SLC25A43: variants seen among roughly 807,000 people sequenced by gnomAD.
SLC25A43 encodes solute carrier family 25 member 43, also known as solute carrier family 25, member 43.
In SLC25A43, 10 loss-of-function variants were observed where a neutral mutation model predicts 22.8. That is an observed-to-expected ratio of 0.44 (90% CI 0.27 to 0.74). The LOEUF is 0.74. SLC25A43 is among the 30% of genes least tolerant of loss of function. The pLI is 0.17. For missense variants in SLC25A43, 233 were observed against 279.1 expected, an observed-to-expected ratio of 0.83 and a Z score of 1.18; for synonymous variants, 106 against 121.6, an observed-to-expected ratio of 0.87 and a Z score of 0.84.
rs749216789 is a variant in SLC25A43 at position 119,405,770 on chromosome X, G to A, written c.276-690G>A. On this transcript the variant is annotated intron_variant, in intron 1 of 4. Transcript: ENST00000217909. The stretch of plus-strand genomic sequence containing the variant: ...GGGCGATAGAGTGGCCACCGCACCC[G>A]GCCCAGAACTGGGCACTTTGGGAGG... Among the ~76,000 whole-genome samples, 3 of 110,250 alleles carry A rather than the reference G, an allele frequency of 2.7e-5. No individual in the cohort carries two copies. The Admixed American group carries it at 2.9e-4, about 11-fold the overall frequency.
At chrX:119,431,216 T>C (rs1569373156) in intron 3 of SLC25A43, among the ~76,000 whole-genome samples, 2 of 111,998 alleles carry the variant, frequency 1.8e-5, no homozygotes, top group African/African-American at 6.5e-5. Flanking sequence ...AATGAGATAG[T>C]ATATAGAAAG....
intron 3 of SLC25A43, among the ~76,000 whole-genome samples, chrX:119,415,908 TGAG>T (rs1418518122): frequency 1.9e-5 from 2 of 103,735 alleles, no homozygotes; most frequent in Non-Finnish European, 3.9e-5. Flanking sequence ...CTTGGGAGAC[TGAG>T]GAGGGAGGAT....
intron 3 of SLC25A43, among the ~76,000 whole-genome samples, chrX:119,419,604 G>T (rs1481427200): frequency 9.0e-6 from 1 of 111,040 alleles, no homozygotes; most frequent in Admixed American, 9.6e-5. Flanking sequence ...CTTCAATCCT[G>T]ACCTCCCTTC....
At chrX:119,451,466 G>A (rs949980571) in intron 3 of SLC25A43, among the ~76,000 whole-genome samples, 35 of 111,816 alleles carry the variant, frequency 3.1e-4, no homozygotes, top group African/African-American at 1.0e-3. Flanking sequence ...GCAGGCCAAG[G>A]AGTATGGTTC....
At chrX:119,435,457 C>CTTTTTTTTTTTTTTT in intron 3 of SLC25A43, among the ~76,000 whole-genome samples, 1 of 54,740 alleles carries the variant, frequency 1.8e-5, no homozygotes, top group Non-Finnish European at 3.2e-5. Flanking sequence ...AGATTTTATT[C>CTTTTTTTTTTTTTTT]TTTTTTTTTT....
chrX:119,405,138 A>G (rs998069606), intron 1 of SLC25A43, among the ~76,000 whole-genome samples: 13 of 112,132 alleles, frequency 1.2e-4, no homozygotes, highest in African/African-American at 4.2e-4. Context: ...CCATGGGTGA[A>G]AACCAATGTA....
chrX:119,451,162 C>T (rs1045787458), intron 3 of SLC25A43, among the ~76,000 whole-genome samples: 3 of 97,891 alleles, frequency 3.1e-5, no homozygotes, highest in Non-Finnish European at 6.1e-5. Context: ...GAGACTCTGT[C>T]GCAAAAAAAA....
chrX:119,408,460 GTTATAC>G (rs1321047942), intron 2 of SLC25A43, among the ~76,000 whole-genome samples: 1 of 110,971 alleles, frequency 9.0e-6, no homozygotes, highest in Non-Finnish European at 1.9e-5. Flanking sequence ...CATCAGGGGT[GTTATAC>G]TGACTTTGCC....
intron 3 of SLC25A43, among the ~76,000 whole-genome samples, chrX:119,420,484 G>A (rs183251065): frequency 9.1e-6 from 1 of 110,103 alleles, no homozygotes; most frequent in Non-Finnish European, 1.9e-5. Flanking sequence ...ATGTTTTGTA[G>A]AGATGAGGTC....
At chrX:119,410,918 G>GA (rs2052344934) in intron 3 of SLC25A43, among the ~76,000 whole-genome samples, 1 of 106,120 alleles carries the variant, frequency 9.4e-6, no homozygotes, top group Admixed American at 1.0e-4. Context: ...AAGAAAGAAA[G>GA]AAAAAAAAGA....
intron 1 of SLC25A43, among the ~76,000 whole-genome samples, chrX:119,404,302 G>T (rs1372066573): frequency 4.5e-5 from 5 of 112,013 alleles, no homozygotes; most frequent in African/African-American, 1.6e-4. Flanking sequence ...TGCCTAGCCA[G>T]GCCTCCAGAA....
chrX:119,431,524 A>AG lies in SLC25A43; in HGVS notation c.691-20485_691-20484insG, dbSNP rs1345711194. On this transcript the variant is annotated intron_variant, in intron 3 of 4. Transcript: ENST00000217909. Reference sequence around the variant, plus strand: ...AGACTGTGTCTCCAACAGAAAAAAAAAAAAGAAAAGAAAAGAAAGAGGAAA... The same window carrying AG: ...AGACTGTGTCTCCAACAGAAAAAAAAGAAAAGAAAAGAAAAGAAAGAGGAAA... 1.7e-3 allele frequency among the ~76,000 whole-genome samples: 191 copies of AG among 110,843 alleles called. 1 individual carries two copies. Among genetic ancestry groups the AG allele is most frequent in the Non-Finnish European group, 3.1e-3 (166 of 52,892 alleles).
intron 1 of SLC25A43, among the ~76,000 whole-genome samples, chrX:119,405,734 T>C (rs1400470097): frequency 2.7e-5 from 3 of 109,936 alleles, no homozygotes; most frequent in African/African-American, 9.9e-5. Flanking sequence ...CATGCCACTG[T>C]ACTTCTGCGT....
chrX:119,425,627 GA>G (rs58579795), intron 3 of SLC25A43, among the ~76,000 whole-genome samples: 10,003 of 85,327 alleles, frequency 0.12, 700 homozygotes, highest in African/African-American at 0.26. Flanking sequence ...TTAGCAGTCA[GA>G]AAAAAAAAAA....
intron 1 of SLC25A43, among the ~76,000 whole-genome samples, chrX:119,404,462 G>C (rs1159811415): frequency 1.8e-5 from 2 of 112,136 alleles, no homozygotes; most frequent in African/African-American, 6.5e-5. Context: ...AGAAGAGATG[G>C]GCAGGGTGAG....
chrX:119,410,427 C>T (rs1161300651), intron 3 of SLC25A43, 65 bp downstream of exon 3: 3 of 1,102,078 alleles, frequency 2.7e-6, no homozygotes, highest in Non-Finnish European at 3.7e-6. Context: ...CGGGTAATAA[C>T]AGCAAAGAAC....
intron 3 of SLC25A43, among the ~76,000 whole-genome samples, chrX:119,413,706 C>CAA (rs761049328): frequency 2.2e-5 from 1 of 46,410 alleles, no homozygotes; most frequent in Non-Finnish European, 4.3e-5. Context: ...GACTCCATCT[C>CAA]AAAAAAAAAA....
chrX:119,446,907 C>T (rs1437821451), intron 3 of SLC25A43, among the ~76,000 whole-genome samples: 1 of 112,117 alleles, frequency 8.9e-6, no homozygotes, highest in African/African-American at 3.2e-5. Flanking sequence ...GTGAAAGAGG[C>T]CTCTTTGAAA....
intron 3 of SLC25A43, among the ~76,000 whole-genome samples, chrX:119,426,000 G>A (rs151299339): frequency 0.014 from 1,590 of 111,394 alleles, 13 homozygotes; most frequent in Non-Finnish European, 0.023. Flanking sequence ...CCAGCTAAAC[G>A]GTAACAGCAC....
Sources: allele counts gnomAD v4.1 joint callset (sites outside exome capture counted in the v4.1 genomes callset), GRCh38; gene constraint gnomAD v4.1.1; transcripts MANE v1.5; gene names NCBI Gene and HGNC (gene_info 2026-07-23, HGNC 2026-07-21).